The following CCDC85A variants were observed in gnomAD, a reference collection of about 807,000 sequenced individuals.
The protein encoded by CCDC85A is coiled-coil domain containing 85A.
CCDC85A carries 38 observed loss-of-function variants against 50.2 expected under a neutral mutation model. The ratio of observed to expected loss-of-function variants is 0.76; its 90% CI spans 0.58 to 0.99. CCDC85A has a LOEUF of 0.99. Among genes scored for constraint, CCDC85A ranks in the 50% least tolerant of loss-of-function variants. CCDC85A has a pLI of 0.00. For missense variants in CCDC85A, 820 were observed against 742.0 expected (o/e 1.11, Z -1.22); for synonymous variants, 366 against 301.4 (o/e 1.21, Z -2.22).
At chr2:56,261,413 C>T (rs115329819) in intron 2 of CCDC85A, among the ~76,000 whole-genome samples, 3,887 of 152,204 alleles carry the variant, frequency 0.026, 71 homozygotes, top group Non-Finnish European at 0.036. Flanking sequence ...AACACTCAAA[C>T]GTTTATCAGT....
chr2:56,380,005 A>G (rs571149615), intron 5 of CCDC85A, among the ~76,000 whole-genome samples: 13 of 152,136 alleles, frequency 8.5e-5, no homozygotes, highest in Non-Finnish European at 1.6e-4. Flanking sequence ...AGTATATTTT[A>G]TTGTAGTTTT....
chr2:56,292,573 T>G (rs6714529), intron 2 of CCDC85A, among the ~76,000 whole-genome samples: 41,117 of 151,984 alleles, frequency 0.27, 5,875 homozygotes, highest in East Asian at 0.45. Flanking sequence ...ATGGGGAAAA[T>G]AAATTAGTTT....
Position 56,372,389 on chromosome 2 carries a change from A to G in CCDC85A, c.1363A>G (p.Met455Val), listed in dbSNP as rs370648428. 43 of 1,599,300 alleles carry G rather than the reference A, an allele frequency of 2.7e-5. No individual in the cohort carries two copies. The African/African-American group carries it at 5.4e-4, about 20-fold the overall frequency. Residue 455 changes from methionine (M) to valine (V), a missense_variant, in exon 4 of 6, where the codon ATG becomes GTG. Physicochemically the swap from Met to Val is conservative, Grantham distance 21. Coordinates refer to ENST00000407595, the MANE Select transcript of CCDC85A (RefSeq NM_001080433.2). Reference sequence around the variant, plus strand: ...ACCTCCAACTAGAAACAGCTCAAATATGGAGAAAGGCTGGGGGTCCAGAGC... The same window carrying G: ...ACCTCCAACTAGAAACAGCTCAAATGTGGAGAAAGGCTGGGGGTCCAGAGC... ...RQPPTRNSSN[M>V]EKGWGSRARR...
intron 3 of CCDC85A, among the ~76,000 whole-genome samples, chr2:56,369,202 TA>T (rs1487526773): frequency 2.0e-5 from 3 of 152,168 alleles, no homozygotes; most frequent in Admixed American, 6.5e-5. Flanking sequence ...TTAAATGGTC[TA>T]TTTTTTTGCA....
intron 2 of CCDC85A, among the ~76,000 whole-genome samples, chr2:56,291,407 T>C (rs1671697351): frequency 6.6e-6 from 1 of 152,064 alleles, no homozygotes; most frequent in Non-Finnish European, 1.5e-5. Context: ...CATTAGTTAG[T>C]GAAAAGAGCT....
At chr2:56,187,136 T>C (rs1558573229) in intron 1 of CCDC85A, among the ~76,000 whole-genome samples, 3 of 152,286 alleles carry the variant, frequency 2.0e-5, no homozygotes, top group South Asian at 2.1e-4. Context: ...ATGTGGTTGA[T>C]TGAATAAATG....
intron 2 of CCDC85A, among the ~76,000 whole-genome samples, chr2:56,251,143 C>T (rs1669736282): frequency 6.6e-6 from 1 of 152,160 alleles, no homozygotes. Context: ...AGTACTGCAA[C>T]AATGTGTTGG....
chr2:56,294,867 C>T (rs907762709), intron 2 of CCDC85A, among the ~76,000 whole-genome samples: 3 of 152,046 alleles, frequency 2.0e-5, no homozygotes, highest in African/African-American at 4.8e-5. Context: ...CTACTAAGGC[C>T]GGTACCTCTA....
At chr2:56,220,569 A>G (rs575611940) in intron 2 of CCDC85A, among the ~76,000 whole-genome samples, 1 of 152,196 alleles carries the variant, frequency 6.6e-6, no homozygotes, top group Middle Eastern at 3.4e-3. Flanking sequence ...CAGAAACTTT[A>G]TCACTCAGTA....
At chr2:56,310,610 G>A (rs184054423) in intron 2 of CCDC85A, among the ~76,000 whole-genome samples, 2 of 152,204 alleles carry the variant, frequency 1.3e-5, no homozygotes, top group East Asian at 3.9e-4. Context: ...ATCTACTTCA[G>A]CATTTGAGAA....
At chr2:56,381,392 A>C (rs1430014913) in intron 5 of CCDC85A, among the ~76,000 whole-genome samples, 1 of 152,110 alleles carries the variant, frequency 6.6e-6, no homozygotes, top group African/African-American at 2.4e-5. Context: ...GAACTGTTGG[A>C]CTAGAAGGAG....
intron 2 of CCDC85A, among the ~76,000 whole-genome samples, chr2:56,223,651 A>G (rs541422186): frequency 1.3e-5 from 2 of 152,318 alleles, no homozygotes; most frequent in East Asian, 3.9e-4. Flanking sequence ...GCAACCTGAT[A>G]TGCTTAGCCT....
At position 56,192,697 on chromosome 2, in the gene CCDC85A, A is replaced by G. The variant is rs749250967; in HGVS notation, c.497A>G (p.Lys166Arg). Residue 166 changes from lysine to arginine, a missense_variant, in exon 2 of 6, where the codon AAG becomes AGG. Lys to Arg is a conservative substitution (Grantham distance 26). Transcript: ENST00000407595. The surrounding 1 kb of genome is among the most constrained non-coding windows in gnomAD (Gnocchi z 4.7). Reference protein sequence around the residue: ...EEVVKENMELKELCVLLDEEK... With the variant: ...EEVVKENMELRELCVLLDEEK... ...GTGGTGAAGGAGAACATGGAGCTCA[A>G]GGAGCTCTGTGTGCTACTAGATGAG... 1 of 1,613,886 alleles carries G rather than the reference A, an allele frequency of 6.2e-7. No homozygotes were observed. The highest frequency in any genetic ancestry group is 2.2e-5 in the East Asian group (1 of 44,868).
intron 2 of CCDC85A, among the ~76,000 whole-genome samples, chr2:56,260,001 A>G (rs989629758): frequency 2.2e-4 from 34 of 152,180 alleles, no homozygotes; most frequent in African/African-American, 8.0e-4. Context: ...AAGTGTTGTC[A>G]TATTTGAATA....
chr2:56,193,158 C>T lies in CCDC85A; in HGVS notation c.958C>T (p.His320Tyr), dbSNP rs1190250173. The change falls in exon 2 of 6, where the codon CAC (histidine) becomes TAC (tyrosine). Residue 320 changes from histidine (H) to tyrosine (Y), a missense_variant. Transcript: ENST00000407595. The stretch of plus-strand genomic sequence containing the variant: ...TGGGAGCCCGGAACACTTCCAGAAG[C>T]ACCGGTCAGGGAGCAGCCCTGAACA... ...LSGSPEHFQKHRSGSSPEHAR... is the reference protein window; with the variant it reads ...LSGSPEHFQKYRSGSSPEHAR... 8 of 1,612,392 alleles carry T rather than the reference C, an allele frequency of 5.0e-6. No individual in the cohort carries two copies. Among genetic ancestry groups the T allele is most frequent in the Non-Finnish European group, 6.8e-6 (8 of 1,178,910 alleles).
intron 2 of CCDC85A, among the ~76,000 whole-genome samples, chr2:56,281,984 A>G (rs1221175017): frequency 2.6e-5 from 4 of 152,150 alleles, no homozygotes; most frequent in Admixed American, 6.5e-5. Flanking sequence ...CTTGTATCCT[A>G]AGAAATCTTT....
chr2:56,374,080 T>C (rs557884077), intron 4 of CCDC85A, among the ~76,000 whole-genome samples: 1 of 152,370 alleles, frequency 6.6e-6, no homozygotes, highest in South Asian at 2.1e-4. Flanking sequence ...AATGTTTTAA[T>C]TTCCTTTCCC....
intron 2 of CCDC85A, among the ~76,000 whole-genome samples, chr2:56,225,525 C>G (rs1426385747): frequency 6.6e-6 from 1 of 152,116 alleles, no homozygotes; most frequent in Non-Finnish European, 1.5e-5. Flanking sequence ...ACCAGAGTGT[C>G]TTTATTACTG....
chr2:56,337,195 C>G (rs1046454545), intron 2 of CCDC85A, among the ~76,000 whole-genome samples: 15 of 152,152 alleles, frequency 9.9e-5, no homozygotes, highest in Admixed American at 9.2e-4. Context: ...GTTTTTCTTG[C>G]AACAGATGCT....
Sources: gnomAD v4.1 joint callset for allele counts (sites outside exome capture counted in the v4.1 genomes callset) on GRCh38, gnomAD v4.1.1 for gene constraint, Gnocchi (gnomAD v3.1) non-coding constraint, MANE v1.5 for transcripts, NCBI Gene and HGNC (gene_info 2026-07-23, HGNC 2026-07-21) for gene names.